The following CPM variants were observed in gnomAD, a reference collection of about 807,000 sequenced individuals.
CPM encodes the protein carboxypeptidase M, also known as renal carboxypeptidase.
In CPM, 35 loss-of-function variants were observed where a neutral mutation model predicts 46.4. The ratio of observed to expected loss-of-function variants is 0.75; its 90% CI spans 0.58 to 1.00. CPM has a LOEUF of 1.00. Ranked by LOEUF, CPM falls within the 50% of genes least tolerant of loss-of-function variation. CPM has a pLI of 0.00. For missense variants in CPM, 422 were observed against 530.4 expected (o/e 0.80, Z 2.01); for synonymous variants, 195 against 195.3 (o/e 1.00, Z 0.01).
chr12:68,897,535 A>T (rs1424665322), intron 2 of CPM, among the ~76,000 whole-genome samples: 1 of 152,154 alleles, frequency 6.6e-6, no homozygotes, highest in Non-Finnish European at 1.5e-5. Flanking sequence ...CAGGAGTTCC[A>T]GAGCAGCCTG....
At chr12:68,951,692 C>T (rs1362845700) in intron 1 of CPM, among the ~76,000 whole-genome samples, 1 of 152,112 alleles carries the variant, frequency 6.6e-6, no homozygotes, top group African/African-American at 2.4e-5. Flanking sequence ...GTCGTATGTC[C>T]AGAGCAGGGA....
chr12:68,916,973 A>G (rs1054394081), intron 2 of CPM, among the ~76,000 whole-genome samples: 4 of 152,030 alleles, frequency 2.6e-5, no homozygotes, highest in African/African-American at 9.7e-5. Flanking sequence ...AAATTTTTCA[A>G]TCAAGAAAAC....
chr12:68,958,196 G>GAT (rs1447401633), intron 1 of CPM, among the ~76,000 whole-genome samples: 3 of 152,076 alleles, frequency 2.0e-5, no homozygotes, highest in Non-Finnish European at 4.4e-5. Context: ...TAATCCTTTG[G>GAT]ATATATACCC....
rs143949471 is a variant in CPM, at chr12:68,946,783, C to T, written c.-3-13943G>A. On this transcript the variant is annotated intron_variant, in intron 1 of 8. Transcript: ENST00000546373. ...GCGATACTACCATAAATTAAGTATA[C>T]GTAGACATAGTTTCCAAATTACAGA... is the stretch of plus-strand genomic sequence containing the variant. Among the ~76,000 whole-genome samples the T allele has an allele frequency of 1.6e-3, 236 of 152,172 alleles. 4 individuals are homozygous for T. In the East Asian group the frequency reaches 0.038, roughly 24 times the overall value.
At position 68,859,048 on chromosome 12, in the gene CPM, G is replaced by T; in HGVS notation, c.964C>A (p.Gln322Lys). Residue 322 changes from glutamine to lysine, a missense_variant, in exon 8 of 9, where the codon CAG (glutamine) becomes AAG (lysine). Physicochemically the swap from Gln to Lys is moderately conservative, Grantham distance 53. Transcript: ENST00000551568. ...HLGVKGQVFD[Q>K]NGNPLPNVIV... ...ACATTGGGTAATGGATTTCCATTCT[G>T]ATCAAAAACTTGACCCTTTACACCT... 1 of 1,526,268 alleles carries T rather than the reference G, an allele frequency of 6.6e-7. No homozygotes were observed. Among genetic ancestry groups the T allele is most frequent in the Non-Finnish European group, 8.8e-7 (1 of 1,138,320 alleles). 94.5% of individuals were successfully genotyped at this position (1,526,268 alleles called of 1,614,324 possible). A position where few individuals can be genotyped will look rare whatever the true frequency, so the allele number is the denominator to read the frequency against.
intron 2 of CPM, among the ~76,000 whole-genome samples, chr12:68,887,862 A>G (rs756911320): frequency 2.0e-4 from 31 of 152,346 alleles, no homozygotes; most frequent in Non-Finnish European, 3.5e-4. Flanking sequence ...TGATGCCTCT[A>G]CACAAGGTTC....
chr12:68,949,628 A>G (rs781749542), intron 1 of CPM, among the ~76,000 whole-genome samples: 8 of 152,164 alleles, frequency 5.3e-5, no homozygotes, highest in Non-Finnish European at 1.0e-4. Context: ...GCACTCAACA[A>G]TGTGTCTGGC....
intron 3 of CPM, among the ~76,000 whole-genome samples, chr12:68,874,074 G>A (rs1412394797): frequency 1.3e-5 from 2 of 152,026 alleles, no homozygotes; most frequent in African/African-American, 2.4e-5. Flanking sequence ...CCAAAGTGCC[G>A]GGATTACTGT....
chr12:68,842,966 TA>T (rs1314611387), intron 5 of CPM: 1 of 210,672 alleles, frequency 4.7e-6, no homozygotes, highest in African/African-American at 2.3e-5. Flanking sequence ...TGACACTATA[TA>T]ATTTCTGCTT....
At chr12:68,886,501 G>A (rs1341814670) in intron 2 of CPM, among the ~76,000 whole-genome samples, 9 of 152,160 alleles carry the variant, frequency 5.9e-5, no homozygotes, top group East Asian at 3.9e-4. Flanking sequence ...GCGTGGTGGC[G>A]GGCGCCTGTA....
At chr12:68,842,462 T>C (rs920975440) in intron 5 of CPM, 42 of 418,680 alleles carry the variant, frequency 1.0e-4, no homozygotes, top group African/African-American at 8.4e-4. Context: ...CTCTAAATTA[T>C]TGACTTATTT....
intron 2 of CPM, chr12:68,912,018 T>C (rs528312492): frequency 3.9e-5 from 6 of 152,204 alleles, no homozygotes; most frequent in Non-Finnish European, 5.9e-5. Flanking sequence ...ATTATTATTA[T>C]TATTTTGAGA....
intron 2 of CPM, among the ~76,000 whole-genome samples, chr12:68,905,691 C>A (rs191381816): frequency 6.6e-6 from 1 of 151,660 alleles, no homozygotes; most frequent in East Asian, 1.9e-4. Context: ...AGTAGGTCTA[C>A]GCAAACCTAC....
rs535216366 is a variant in CPM at position 68,931,678 on chromosome 12, G to T, written c.160+1000C>A. Among the ~76,000 whole-genome samples, 16 of 146,880 alleles carry T rather than the reference G, an allele frequency of 1.1e-4. No homozygotes were observed. In the Admixed American group the frequency reaches 1.1e-3, roughly 10 times the overall value. Reference sequence around the variant, plus strand: ...GAGAATTGCTTGAACTCAGGAAGCCGGAGGTTGCAGTGAGCCGAGATCACG... The same window carrying T: ...GAGAATTGCTTGAACTCAGGAAGCCTGAGGTTGCAGTGAGCCGAGATCACG... On this transcript the variant is annotated intron_variant, in intron 2 of 8. Coordinates refer to ENST00000551568, the MANE Select transcript of CPM (RefSeq NM_198320.5).
intron 2 of CPM, chr12:68,914,113 AC>A (rs544532512): frequency 8.2e-5 from 43 of 522,244 alleles, no homozygotes; most frequent in Middle Eastern, 1.1e-3. Context: ...TAGTCAGTAT[AC>A]TATGGCCTGA....
At chr12:68,874,919 G>A (rs1885876154) in intron 3 of CPM, among the ~76,000 whole-genome samples, 1 of 152,126 alleles carries the variant, frequency 6.6e-6, no homozygotes, top group African/African-American at 2.4e-5. Flanking sequence ...GACACGAGTT[G>A]GCAATGAAAT....
intron 1 of CPM, among the ~76,000 whole-genome samples, chr12:68,947,606 A>AC (rs1355852827): frequency 2.0e-5 from 3 of 151,862 alleles, no homozygotes; most frequent in East Asian, 3.9e-4. Context: ...CAAAAAAAAA[A>AC]AAAGAAAAGA....
intron 2 of CPM, among the ~76,000 whole-genome samples, chr12:68,921,898 ATTAT>A (rs1236689217): frequency 1.3e-5 from 2 of 152,304 alleles, no homozygotes; most frequent in East Asian, 1.9e-4. Context: ...ATACTTATGT[ATTAT>A]TTAATATACT....
intron 2 of CPM, among the ~76,000 whole-genome samples, chr12:68,896,777 C>T (rs961170156): frequency 6.6e-6 from 1 of 152,142 alleles, no homozygotes; most frequent in Non-Finnish European, 1.5e-5. Flanking sequence ...ACATGTTCAT[C>T]CCCATAGTAT....
Sources: allele counts gnomAD v4.1 joint callset (sites outside exome capture counted in the v4.1 genomes callset), GRCh38; gene constraint gnomAD v4.1.1; transcripts MANE v1.5; gene names NCBI Gene and HGNC (gene_info 2026-07-23, HGNC 2026-07-21).